Variants in PCDHA8 observed in about 807,000 individuals in gnomAD.
PCDHA8 encodes protocadherin alpha-8.
A neutral mutation model predicts 61.8 loss-of-function variants in PCDHA8; 53 were observed. That is an observed-to-expected ratio of 0.86 (90% confidence interval 0.69 to 1.08). PCDHA8 has a LOEUF of 1.08. PCDHA8 is among the 50% of genes least tolerant of loss of function. The pLI, the probability that PCDHA8 is intolerant of heterozygous loss-of-function variation, is 0.00. For synonymous variants in PCDHA8, 618 were observed against 556.6 expected (o/e 1.11, Z -1.55); for missense variants, 1,293 against 1,245.0 (o/e 1.04, Z -0.58).
At chr5:140,854,572 C>T (rs2043163133) in intron 1 of PCDHA8, 2 of 149,770 alleles carry the variant, frequency 1.3e-5, no homozygotes, top group South Asian at 4.2e-4. Context: ...CTCTGTCATT[C>T]AGATTTTAAT....
chr5:140,898,246 A>G (rs377438166), intron 1 of PCDHA8, among the ~76,000 whole-genome samples: 49 of 152,286 alleles, frequency 3.2e-4, no homozygotes, highest in African/African-American at 1.1e-3. Context: ...TTGGTGTTTT[A>G]GACATGAAGT....
chr5:140,842,749 G>T lies in PCDHA8; in HGVS notation c.1428G>T (p.Thr476=), dbSNP rs2150343608. ...ACCCGCCGGGCTGCCACATCTTCACGGTGTCTGCGCGAGACGCGGACGCGC... is the reference window on the plus strand; with the variant it reads ...ACCCGCCGGGCTGCCACATCTTCACTGTGTCTGCGCGAGACGCGGACGCGC... The part of the protein sequence containing the change: ...ENNPPGCHIF[T]VSARDADAQE... Residue 476 remains threonine, a synonymous_variant, in exon 1 of 4, where the codon ACG becomes ACT. Coordinates refer to ENST00000531613, the MANE Select transcript of PCDHA8 (RefSeq NM_018911.3). 5.6e-6 allele frequency: 9 copies of T among 1,594,902 alleles called. No homozygotes were observed. The highest frequency in any genetic ancestry group is 5.4e-5 in the African/African-American group (4 of 74,302).
rs1379948594 is a variant in PCDHA8, at chr5:140,982,575, G to A, written c.2542+12G>A. ...CAGTGCAACACCAGGTAAAGAGCTGGGGTCTCTCCATTCTTTCTTGGTTTC... is the reference window on the plus strand; with the variant it reads ...CAGTGCAACACCAGGTAAAGAGCTGAGGTCTCTCCATTCTTTCTTGGTTTC... On this transcript the variant is annotated intron_variant, in intron 3 of 3. Coordinates refer to ENST00000531613, the MANE Select transcript of PCDHA8 (RefSeq NM_018911.3). The A allele has an allele frequency of 6.2e-7, 1 of 1,613,444 alleles. No homozygotes were observed. The highest frequency in any genetic ancestry group is 8.5e-7 in the Non-Finnish European group (1 of 1,179,518).
At chr5:140,956,141 C>A (rs1181002106) in intron 1 of PCDHA8, among the ~76,000 whole-genome samples, 2 of 152,122 alleles carry the variant, frequency 1.3e-5, no homozygotes, top group Non-Finnish European at 2.9e-5. Context: ...CCCTTTATTT[C>A]TTTCTCTTTC....
intron 1 of PCDHA8, among the ~76,000 whole-genome samples, chr5:140,847,087 C>G (rs192682814): frequency 6.7e-6 from 1 of 149,796 alleles, no homozygotes; most frequent in Non-Finnish European, 1.5e-5. Flanking sequence ...GAAAAGTCCA[C>G]TTTGGTTAAA....
At chr5:140,899,884 T>C (rs1467670856) in intron 1 of PCDHA8, among the ~76,000 whole-genome samples, 17 of 152,152 alleles carry the variant, frequency 1.1e-4, no homozygotes, top group African/African-American at 3.9e-4. Flanking sequence ...CAGAACTCAG[T>C]GCAGCCTTGA....
At chr5:140,868,974 C>G in intron 1 of PCDHA8, 1 of 1,471,886 alleles carries the variant, frequency 6.8e-7, no homozygotes, top group Non-Finnish European at 9.1e-7. Flanking sequence ...GGAACTCCAT[C>G]ATACCGGATG....
At position 140,857,907 on chromosome 5, in the gene PCDHA8, C is replaced by T. The variant is rs1250345336; in HGVS notation, c.2394+14192C>T. 3.1e-6 allele frequency: 5 copies of T among 1,597,680 alleles called. No homozygotes were observed. Among genetic ancestry groups the T allele is most frequent in the Admixed American group, 1.7e-5 (1 of 59,240 alleles). Reference sequence around the variant, plus strand: ...TCGGCGGCGGTTGGTGCACGCATCCCGTTTCGCGTGGGGCTGTACACGGGC... The same window carrying T: ...TCGGCGGCGGTTGGTGCACGCATCCTGTTTCGCGTGGGGCTGTACACGGGC... On this transcript the variant is annotated intron_variant, in intron 1 of 3. Transcript: ENST00000531613.
intron 1 of PCDHA8, among the ~76,000 whole-genome samples, chr5:140,941,460 C>T (rs530075226): frequency 4.6e-4 from 69 of 151,184 alleles, no homozygotes; most frequent in African/African-American, 1.6e-3. Context: ...GGATTACAGG[C>T]GCCCACCACC....
intron 1 of PCDHA8, chr5:140,863,299 G>T (rs868935823): frequency 1.4e-6 from 2 of 1,462,780 alleles, no homozygotes; most frequent in Non-Finnish European, 9.3e-7. Flanking sequence ...CCTGATCATC[G>T]CCATCTGCGT....
intron 1 of PCDHA8, among the ~76,000 whole-genome samples, chr5:140,975,757 A>G (rs779490429): frequency 6.6e-5 from 10 of 152,234 alleles, no homozygotes; most frequent in South Asian, 2.1e-4. Flanking sequence ...ATTCTATGTC[A>G]TAAATCACAG....
chr5:140,998,639 A>G (rs1165002908), intron 3 of PCDHA8, among the ~76,000 whole-genome samples: 2 of 151,766 alleles, frequency 1.3e-5, no homozygotes, highest in African/African-American at 2.4e-5. Flanking sequence ...ATCTCAGCTC[A>G]CTGCAACCTC....
chr5:140,892,250 T>G (rs781827855), intron 1 of PCDHA8, among the ~76,000 whole-genome samples: 2 of 152,182 alleles, frequency 1.3e-5, no homozygotes, highest in Non-Finnish European at 2.9e-5. Flanking sequence ...AACCTGGTTA[T>G]CTTTGATTTT....
Position 140,841,275 on chromosome 5 carries a change from A to G in PCDHA8, c.-47A>G. On this transcript the variant is annotated 5_prime_UTR_variant, in exon 1 of 4. Transcript: ENST00000531613. ...AAAGACTCTGAAAGTACAGTCGTTC[A>G]TCTTTATATTAAGATAATATTTTCT... 6.5e-7 allele frequency: 1 copy of G among 1,534,690 alleles called. No homozygotes were observed. The highest frequency in any genetic ancestry group is 8.8e-7 in the Non-Finnish European group (1 of 1,141,632).
intron 1 of PCDHA8, chr5:140,876,262 C>A (rs1554168436): frequency 6.2e-7 from 1 of 1,614,012 alleles, no homozygotes. Context: ...AGTGATCCAA[C>A]TAAATGCTTC....
At chr5:140,853,282 C>T in intron 1 of PCDHA8, 5 of 980,348 alleles carry the variant, frequency 5.1e-6, no homozygotes, top group Non-Finnish European at 6.1e-6. Flanking sequence ...TCATCATATG[C>T]AAATTCTCAG....
chr5:140,883,339 C>T (rs142984869), intron 1 of PCDHA8: 2 of 1,614,172 alleles, frequency 1.2e-6, no homozygotes, highest in Admixed American at 3.3e-5. Flanking sequence ...CTTTGTCACT[C>T]CCCATCAGAG....
At chr5:140,876,798 CG>C (rs1562719394) in intron 1 of PCDHA8, 1 of 1,614,180 alleles carries the variant, frequency 6.2e-7, no homozygotes, top group East Asian at 2.2e-5. Flanking sequence ...CTAGAGTGTC[CG>C]TGGAGGTGGC....
intron 1 of PCDHA8, among the ~76,000 whole-genome samples, chr5:140,940,904 GT>G (rs1437754574): frequency 6.6e-6 from 1 of 152,188 alleles, no homozygotes; most frequent in Non-Finnish European, 1.5e-5. Context: ...TTTAAATCAA[GT>G]TCAAGACTTG....
Sources: gnomAD v4.1 joint callset for allele counts (sites outside exome capture counted in the v4.1 genomes callset) on GRCh38, gnomAD v4.1.1 for gene constraint, MANE v1.5 for transcripts, NCBI Gene and HGNC (gene_info 2026-07-23, HGNC 2026-07-21) for gene names.